GLP2R: variants seen among roughly 807,000 people sequenced by gnomAD.
GLP2R encodes the protein glucagon-like peptide 2 receptor.
In GLP2R, 59 loss-of-function variants were observed where a neutral mutation model predicts 68.2. That is an observed-to-expected ratio of 0.87 (90% CI 0.70 to 1.07). GLP2R has a LOEUF of 1.07. GLP2R is among the 50% of genes least tolerant of loss of function. The probability of loss-of-function intolerance (pLI) is 0.00; values close to 1 mark genes in which losing one functional copy is unlikely to be tolerated. For synonymous variants in GLP2R, 270 were observed against 265.4 expected (o/e 1.02, Z -0.17); for missense variants, 548 against 677.4 (o/e 0.81, Z 2.12).
intron 10 of GLP2R, among the ~76,000 whole-genome samples, chr17:9,874,764 T>C (rs1356978854): frequency 6.6e-6 from 1 of 152,160 alleles, no homozygotes; most frequent in Non-Finnish European, 1.5e-5. Context: ...CCTCCCAAAA[T>C]TTCCTAATCC....
intron 4 of GLP2R, among the ~76,000 whole-genome samples, chr17:9,846,944 G>A (rs1357973519): frequency 6.6e-6 from 1 of 152,228 alleles, no homozygotes; most frequent in African/African-American, 2.4e-5. Context: ...GTCAATACCA[G>A]TGGTGTAGGT....
intron 11 of GLP2R, among the ~76,000 whole-genome samples, chr17:9,882,269 C>G (rs1465479544): frequency 6.6e-6 from 1 of 152,196 alleles, no homozygotes; most frequent in Non-Finnish European, 1.5e-5. Flanking sequence ...TTGCCAGATA[C>G]AGTGGCCGTC....
rs896812966 is a variant in GLP2R at position 9,890,603 on chromosome 17, C to G, written c.*898C>G. On this transcript the variant is annotated 3_prime_UTR_variant, in exon 13 of 13. Coordinates refer to ENST00000262441, the MANE Select transcript of GLP2R (RefSeq NM_004246.3). ...TACCAGCCTGATTTACACTACCATT[C>G]TCTTGGGGCAAGGAATGTCCCCACC... 6.5e-6 allele frequency: 1 copy of G among 152,676 alleles called. No individual in the cohort carries two copies. Among genetic ancestry groups the G allele is most frequent in the African/African-American group, 2.4e-5 (1 of 41,430 alleles). The allele number at this position is 152,676 out of a possible 1,614,324, so 9.5% of individuals were successfully genotyped here.
chr17:9,857,751 G>A (rs1376768945), intron 6 of GLP2R, among the ~76,000 whole-genome samples, 175 bp downstream of exon 6: 2 of 130,274 alleles, frequency 1.5e-5, no homozygotes, highest in Admixed American at 1.5e-4. Context: ...GCCAAGAGCA[G>A]GCCAGGTGAA....
rs139742064 is a variant in GLP2R, at chr17:9,833,854, C to T, written c.237C>T (p.Tyr79=). 171 of 1,613,386 alleles carry T rather than the reference C, an allele frequency of 1.1e-4. No homozygotes were observed. The African/African-American group carries it at 1.9e-3, about 18-fold the overall frequency. Residue 79 remains tyrosine (Y), a synonymous_variant, in exon 2 of 13, where the codon TAC becomes TAT. Transcript: ENST00000262441. ...AAACGACTCGGAAGTGGGCTCAGTACAAACAGGCATGTCTGAGAGACTTAC... is the reference window on the plus strand; with the variant it reads ...AAACGACTCGGAAGTGGGCTCAGTATAAACAGGCATGTCTGAGAGACTTAC... ...LEETTRKWAQ[Y]KQACLRDLLK...
At chr17:9,826,701 C>A (rs948143853) in intron 1 of GLP2R, among the ~76,000 whole-genome samples, 6 of 152,012 alleles carry the variant, frequency 3.9e-5, no homozygotes, top group African/African-American at 1.4e-4. Flanking sequence ...TTTTTCCTTT[C>A]ATTACAAAAA....
intron 1 of GLP2R, among the ~76,000 whole-genome samples, chr17:9,826,513 C>T (rs1416607127): frequency 6.6e-6 from 1 of 152,124 alleles, no homozygotes; most frequent in Non-Finnish European, 1.5e-5. Flanking sequence ...CTGGTCCCCC[C>T]AACCAGCCCC....
chr17:9,872,175 C>T (rs1050174476), intron 10 of GLP2R, among the ~76,000 whole-genome samples: 3 of 152,258 alleles, frequency 2.0e-5, no homozygotes, highest in Admixed American at 6.5e-5. Flanking sequence ...CCCTGTTTCT[C>T]TCCCCTTTAT....
Position 9,827,031 on chromosome 17 carries a change from G to C in GLP2R, c.189+779G>C, listed in dbSNP as rs183489304. Among the ~76,000 whole-genome samples, 29 of 151,980 alleles carry C rather than the reference G, an allele frequency of 1.9e-4. 1 individual carries two copies. The East Asian group carries it at 5.6e-3, about 30-fold the overall frequency. On this transcript the variant is annotated intron_variant, in intron 1 of 12. Transcript: ENST00000262441. ...GGATTACAGGTACGTGCCACCACCCGGCTAATTTTTGTATTTTAGTAGAGA... is the reference window on the plus strand; with the variant it reads ...GGATTACAGGTACGTGCCACCACCCCGCTAATTTTTGTATTTTAGTAGAGA...
rs901665763 is a variant in GLP2R at position 9,891,682 on chromosome 17, G to A, written c.*1977G>A. Reference sequence around the variant, plus strand: ...GTTTTAGGATGGGGATGGAGGCAAAGGCATCAGGCAAGTAATGAAGCAAAG... The same window carrying A: ...GTTTTAGGATGGGGATGGAGGCAAAAGCATCAGGCAAGTAATGAAGCAAAG... On this transcript the variant is annotated 3_prime_UTR_variant, in exon 13 of 13. Coordinates refer to ENST00000262441, the MANE Select transcript of GLP2R (RefSeq NM_004246.3). The A allele has an allele frequency of 1.3e-5, 2 of 152,220 alleles. No homozygotes were observed. The highest frequency in any genetic ancestry group is 1.9e-4 in the East Asian group (1 of 5,202). 9.4% of individuals were successfully genotyped at this position (152,220 alleles called of 1,614,324 possible).
chr17:9,874,013 T>C (rs370290021), intron 10 of GLP2R, among the ~76,000 whole-genome samples: 5 of 152,182 alleles, frequency 3.3e-5, no homozygotes, highest in Non-Finnish European at 7.3e-5. Flanking sequence ...TCCCTCCTCA[T>C]GTATATGCAT....
At chr17:9,837,459 G>T (rs751564619) in intron 3 of GLP2R, among the ~76,000 whole-genome samples, 1 of 139,700 alleles carries the variant, frequency 7.2e-6, no homozygotes, top group African/African-American at 3.4e-5. Flanking sequence ...AGAAACAGGT[G>T]GGGGAGAAAG....
In GLP2R at chr17:9,826,238, G is replaced by A. The variant is rs1304814839; in HGVS notation, c.175G>A (p.Val59Ile). ...GCCCTTCCTCACTCTGGTCCTGCTGGTTTCCATCAAGCAAGTAAGAGCAGT... is the reference window on the plus strand; with the variant it reads ...GCCCTTCCTCACTCTGGTCCTGCTGATTTCCATCAAGCAAGTAAGAGCAGT... ...GRPFLTLVLL[V>I]SIKQVTGSLL... is the part of the protein sequence containing the mutation. The change falls in exon 1 of 13, where the codon GTT becomes ATT. Residue 59 changes from valine to isoleucine, a missense_variant. Val to Ile is a conservative substitution (Grantham distance 29, BLOSUM62 3). Coordinates refer to ENST00000262441, the MANE Select transcript of GLP2R (RefSeq NM_004246.3). 1 of 1,594,902 alleles carries A rather than the reference G, an allele frequency of 6.3e-7. No individual in the cohort carries two copies. The highest frequency in any genetic ancestry group is 2.2e-5 in the East Asian group (1 of 44,570).
At chr17:9,864,210 A>G (rs574554918) in intron 9 of GLP2R, among the ~76,000 whole-genome samples, 1 of 152,336 alleles carries the variant, frequency 6.6e-6, no homozygotes, top group African/African-American at 2.4e-5. Flanking sequence ...TGCTTTTCAA[A>G]GGATGGTCCT....
chr17:9,877,286 G>A (rs2067149173), intron 10 of GLP2R, among the ~76,000 whole-genome samples: 1 of 152,184 alleles, frequency 6.6e-6, no homozygotes, highest in South Asian at 2.1e-4. Flanking sequence ...AGAGTAAACT[G>A]CTATTGCTAT....
chr17:9,842,089 C>A (rs1352002819), intron 3 of GLP2R, among the ~76,000 whole-genome samples: 1 of 110,322 alleles, frequency 9.1e-6, no homozygotes, highest in Admixed American at 8.9e-5. Context: ...ATGGCGCATC[C>A]GGCTTCAGCC....
intron 11 of GLP2R, among the ~76,000 whole-genome samples, chr17:9,884,792 G>C (rs2067227517): frequency 6.6e-6 from 1 of 152,090 alleles, no homozygotes; most frequent in Non-Finnish European, 1.5e-5. Flanking sequence ...CAGTCTTTTA[G>C]GGAATTTCAA....
At chr17:9,840,078 A>G (rs1335154726) in intron 3 of GLP2R, among the ~76,000 whole-genome samples, 1 of 151,622 alleles carries the variant, frequency 6.6e-6, no homozygotes, top group African/African-American at 2.4e-5. Context: ...CTGGGCTCAA[A>G]CAATTCTCCT....
At chr17:9,833,107 A>G (rs762583601) in intron 1 of GLP2R, among the ~76,000 whole-genome samples, 1 of 152,002 alleles carries the variant, frequency 6.6e-6, no homozygotes, top group Non-Finnish European at 1.5e-5. Flanking sequence ...CTAAAAATAC[A>G]AAAAAATTAG....
Sources: allele counts gnomAD v4.1 joint callset (sites outside exome capture counted in the v4.1 genomes callset), GRCh38; gene constraint gnomAD v4.1.1; transcripts MANE v1.5; gene names NCBI Gene and HGNC (gene_info 2026-07-23, HGNC 2026-07-21).